The following UBE2N variants were observed in gnomAD, a reference collection of about 807,000 sequenced individuals.
The protein encoded by UBE2N is ubiquitin conjugating enzyme E2 N.
For synonymous variants in UBE2N, 70 were observed against 69.2 expected (o/e 1.01, Z -0.06); for missense variants, 60 against 192.1 (o/e 0.31, Z 4.07).
At chr12:93,417,503 A>T (rs1878256166) in intron 1 of UBE2N, among the ~76,000 whole-genome samples, 1 of 152,210 alleles carries the variant, frequency 6.6e-6, no homozygotes, top group South Asian at 2.1e-4. Flanking sequence ...AAAAAGTGCT[A>T]ATTTGTGTGT....
At chr12:93,421,363 A>G (rs1878405924) in intron 1 of UBE2N, among the ~76,000 whole-genome samples, 1 of 152,028 alleles carries the variant, frequency 6.6e-6, no homozygotes, top group Admixed American at 6.6e-5. Flanking sequence ...CACCTCGCCC[A>G]GCTAAATTTT....
intron 1 of UBE2N, among the ~76,000 whole-genome samples, chr12:93,418,834 T>A (rs1328090041): frequency 6.6e-6 from 1 of 152,248 alleles, no homozygotes; most frequent in African/African-American, 2.4e-5. Context: ...ATTAATGATG[T>A]ATTTTATCTT....
At chr12:93,418,890 CAT>C (rs1043548100) in intron 1 of UBE2N, among the ~76,000 whole-genome samples, 21 of 152,240 alleles carry the variant, frequency 1.4e-4, no homozygotes, top group African/African-American at 4.8e-4. Context: ...ACTTGTAGCA[CAT>C]GTTAATTTAA....
intron 1 of UBE2N, among the ~76,000 whole-genome samples, chr12:93,421,114 G>C (rs1379104998): frequency 6.6e-6 from 1 of 151,720 alleles, no homozygotes; most frequent in Non-Finnish European, 1.5e-5. Flanking sequence ...CAAAGCTAGT[G>C]AATGACAGAG....
At chr12:93,433,145 G>A (rs1055149526) in intron 1 of UBE2N, among the ~76,000 whole-genome samples, 1 of 151,992 alleles carries the variant, frequency 6.6e-6, no homozygotes, top group African/African-American at 2.4e-5. Flanking sequence ...ATGTTAGCCA[G>A]GATGGTCTCG....
intron 1 of UBE2N, among the ~76,000 whole-genome samples, chr12:93,412,430 C>T (rs980949632): frequency 6.6e-6 from 1 of 152,230 alleles, no homozygotes; most frequent in Non-Finnish European, 1.5e-5. Context: ...TAGGGCCAAT[C>T]GGTCTTGAGC....
rs865928590 is a variant in UBE2N at position 93,406,702 on chromosome 12, G to A, written c.*3337C>T. On this transcript the variant is annotated 3_prime_UTR_variant, in exon 4 of 4. Transcript: ENST00000318066. ...TTTACATAGCACTTACATTATAATA[G>A]GTATTATAAGTAATCTAAATATTAA... 5.6e-4 allele frequency: 85 copies of A among 152,118 alleles called. No homozygotes were observed. The highest frequency in any genetic ancestry group is 2.0e-3 in the African/African-American group (81 of 41,416). 9.4% of individuals were successfully genotyped at this position (152,118 alleles called of 1,614,324 possible).
chr12:93,412,579 G>A (rs1878060297), intron 1 of UBE2N, among the ~76,000 whole-genome samples: 1 of 152,192 alleles, frequency 6.6e-6, no homozygotes. Flanking sequence ...TTTGCCACAA[G>A]AGTATACTGA....
rs2121045960 is a variant in UBE2N, at chr12:93,407,699, C to T, written c.*2340G>A. ...ATCTCCCAATTTTTAAAAATGTTGG[C>T]ATCAAATTCAGAATGTTTTAACCAG... On this transcript the variant is annotated 3_prime_UTR_variant, in exon 4 of 4. Coordinates refer to ENST00000318066, the MANE Select transcript of UBE2N (RefSeq NM_003348.4). The T allele has an allele frequency of 1.3e-5, 2 of 152,284 alleles. No homozygotes were observed. The highest frequency in any genetic ancestry group is 3.9e-4 in the East Asian group (2 of 5,188). The allele number at this position is 152,284 out of a possible 1,614,324, so 9.4% of individuals were successfully genotyped here.
chr12:93,426,893 G>A (rs1308013702), intron 1 of UBE2N, among the ~76,000 whole-genome samples: 2 of 151,708 alleles, frequency 1.3e-5, no homozygotes, highest in African/African-American at 2.4e-5. Context: ...TAAGCTCATC[G>A]GCTATCATTA....
chr12:93,436,057 A>G (rs1399142164), intron 1 of UBE2N, among the ~76,000 whole-genome samples: 1 of 152,134 alleles, frequency 6.6e-6, no homozygotes, highest in Non-Finnish European at 1.5e-5. Flanking sequence ...CCCTAGGGTA[A>G]GTTAACTACT....
At chr12:93,412,634 T>G (rs1878062501) in intron 1 of UBE2N, among the ~76,000 whole-genome samples, 1 of 152,240 alleles carries the variant, frequency 6.6e-6, no homozygotes, top group South Asian at 2.1e-4. Context: ...TCCACCCTAC[T>G]GCTGTGTCCG....
intron 1 of UBE2N, among the ~76,000 whole-genome samples, chr12:93,426,989 G>A (rs776427157): frequency 2.0e-5 from 3 of 151,390 alleles, no homozygotes; most frequent in Non-Finnish European, 4.4e-5. Context: ...GCACGATCTC[G>A]GCTCACTGCA....
At chr12:93,422,079 G>A (rs188134473) in intron 1 of UBE2N, among the ~76,000 whole-genome samples, 10 of 148,330 alleles carry the variant, frequency 6.7e-5, no homozygotes, top group East Asian at 1.9e-4. Flanking sequence ...TAAAAACCTC[G>A]TCTCCATCTT....
At chr12:93,429,596 G>A (rs977682662) in intron 1 of UBE2N, among the ~76,000 whole-genome samples, 1 of 151,514 alleles carries the variant, frequency 6.6e-6, no homozygotes, top group Non-Finnish European at 1.5e-5. Flanking sequence ...TGTAAAACAG[G>A]TTCAGGCAGG....
At chr12:93,441,748 G>A (rs1592754044) in intron 1 of UBE2N, 107 bp downstream of exon 1, 5 of 1,462,192 alleles carry the variant, frequency 3.4e-6, no homozygotes, top group South Asian at 1.3e-5. Context: ...GCCGCCTCGG[G>A]CCTCCCAGAG....
At chr12:93,437,360 TA>T (rs542940758) in intron 1 of UBE2N, among the ~76,000 whole-genome samples, 519 of 129,366 alleles carry the variant, frequency 4.0e-3, no homozygotes, top group Admixed American at 5.1e-3. Context: ...GTCTGTCTCT[TA>T]AAAAAAAAAA....
intron 1 of UBE2N, among the ~76,000 whole-genome samples, chr12:93,428,386 G>C (rs868586101): frequency 6.6e-6 from 1 of 152,110 alleles, no homozygotes; most frequent in Admixed American, 6.5e-5. Context: ...CTGGTATGTC[G>C]ACATTCTACT....
At chr12:93,433,594 TATA>T (rs1328143786) in intron 1 of UBE2N, among the ~76,000 whole-genome samples, 7 of 152,210 alleles carry the variant, frequency 4.6e-5, no homozygotes, top group African/African-American at 7.2e-5. Flanking sequence ...TTTTCCTTGA[TATA>T]ATATTATTAC....
Sources: allele counts gnomAD v4.1 joint callset (sites outside exome capture counted in the v4.1 genomes callset), GRCh38; gene constraint gnomAD v4.1.1; transcripts MANE v1.5; gene names NCBI Gene and HGNC (gene_info 2026-07-23, HGNC 2026-07-21).